PCDH15: variants seen among roughly 807,000 people sequenced by gnomAD.
The protein encoded by PCDH15 is protocadherin-15.
Under a neutral mutation model 178.5 loss-of-function variants are expected in PCDH15, and 129 were observed. The ratio of observed to expected loss-of-function variants is 0.72; its 90% CI spans 0.63 to 0.84. The LOEUF (loss-of-function observed/expected upper bound fraction) is 0.84. Among genes scored for constraint, PCDH15 ranks in the 40% least tolerant of loss-of-function variants. The pLI, the probability that PCDH15 is intolerant of heterozygous loss-of-function variation, is 0.00. For synonymous variants in PCDH15, 800 were observed against 732.0 expected, an observed-to-expected ratio of 1.09 and a Z score of -1.50; for missense variants, 2,230 against 2,099.9, an observed-to-expected ratio of 1.06 and a Z score of -1.21.
chr10:54,857,994 T>C (rs562927634), intron 3 of PCDH15, among the ~76,000 whole-genome samples: 66 of 143,738 alleles, frequency 4.6e-4, no homozygotes, highest in African/African-American at 1.7e-3. Flanking sequence ...CAACGCATTA[T>C]TACTAACTAG....
intron 2 of PCDH15, among the ~76,000 whole-genome samples, chr10:55,064,585 C>CA (rs1554827185): frequency 6.6e-6 from 1 of 151,288 alleles, no homozygotes; most frequent in Non-Finnish European, 1.5e-5. Flanking sequence ...TAAAATATAA[C>CA]TTTTTTTTTC....
At chr10:55,392,368 C>T (rs1275967834) in intron 2 of PCDH15, among the ~76,000 whole-genome samples, 3 of 152,086 alleles carry the variant, frequency 2.0e-5, no homozygotes, top group South Asian at 2.1e-4. Flanking sequence ...CTTGTATTAA[C>T]ATTTTATGTT....
chr10:54,710,895 T>C (rs1246843799), intron 1 of PCDH15, among the ~76,000 whole-genome samples: 1 of 151,992 alleles, frequency 6.6e-6, no homozygotes, highest in Admixed American at 6.6e-5. Flanking sequence ...AATTTATGGT[T>C]CAAACCAGAA....
intron 3 of PCDH15, among the ~76,000 whole-genome samples, chr10:54,838,770 G>A (rs910033442): frequency 7.2e-5 from 11 of 152,104 alleles, no homozygotes; most frequent in Admixed American, 7.2e-4. Flanking sequence ...CTTGATCTTA[G>A]TGCAGATCCT....
At chr10:55,238,954 C>G (rs1841467998) in intron 1 of PCDH15, among the ~76,000 whole-genome samples, 1 of 151,998 alleles carries the variant, frequency 6.6e-6, no homozygotes, top group Non-Finnish European at 1.5e-5. Flanking sequence ...TTTATTCATT[C>G]TATATATTTT....
At chr10:55,293,581 T>A (rs1843066415) in intron 1 of PCDH15, among the ~76,000 whole-genome samples, 1 of 152,184 alleles carries the variant, frequency 6.6e-6, no homozygotes, top group African/African-American at 2.4e-5. Flanking sequence ...TTGAACACTT[T>A]GCTGCTTAGA....
intron 3 of PCDH15, among the ~76,000 whole-genome samples, chr10:54,521,307 T>C (rs1438184199): frequency 1.3e-5 from 2 of 152,148 alleles, no homozygotes; most frequent in Non-Finnish European, 2.9e-5. Flanking sequence ...CTCATATCTC[T>C]AAATAAACCC....
intron 2 of PCDH15, among the ~76,000 whole-genome samples, chr10:55,090,108 G>C (rs1433698371): frequency 6.6e-6 from 1 of 151,532 alleles, no homozygotes; most frequent in Non-Finnish European, 1.5e-5. Flanking sequence ...TGAAAGTAAT[G>C]GTAAATTCTG....
rs1239945517 is a variant in PCDH15, at chr10:53,806,929, C to G, written c.4873G>C (p.Val1625Leu). The G allele has an allele frequency of 6.2e-7, 1 of 1,613,740 alleles. No homozygotes were observed. The highest frequency in any genetic ancestry group is 1.3e-5 in the African/African-American group (1 of 74,880). ...RRACLTDNLK[V>L]ASPVRLGGPF... ...CCTCCCAGTCGAACAGGGGAAGCAA[C>G]TTTTAAGTTGTCCGTGAGGCAGGCA... The change falls in exon 38 of 38, where the codon GTT becomes CTT. Residue 1625 changes from valine (V) to leucine (L), a missense_variant. Coordinates refer to ENST00000644397, the MANE Select transcript of PCDH15 (RefSeq NM_001384140.1).
intron 2 of PCDH15, among the ~76,000 whole-genome samples, chr10:55,163,991 T>A (rs542137238): frequency 6.6e-6 from 1 of 152,142 alleles, no homozygotes; most frequent in Non-Finnish European, 1.5e-5. Flanking sequence ...TCAATTCTTG[T>A]ACAAGGGTCA....
At chr10:54,385,201 C>G (rs1188556875) in intron 3 of PCDH15, among the ~76,000 whole-genome samples, 1 of 151,838 alleles carries the variant, frequency 6.6e-6, no homozygotes, top group Non-Finnish European at 1.5e-5. Context: ...TTTTTAGTAC[C>G]TCTAGGAGAA....
chr10:53,994,185 G>A (rs2091702354), intron 21 of PCDH15, among the ~76,000 whole-genome samples: 1 of 152,168 alleles, frequency 6.6e-6, no homozygotes, highest in African/African-American at 2.4e-5. Context: ...AGGCACCACA[G>A]TCATTACTAC....
chr10:53,875,498 T>G (rs2080167340), intron 26 of PCDH15, among the ~76,000 whole-genome samples: 1 of 152,018 alleles, frequency 6.6e-6, no homozygotes, highest in South Asian at 2.1e-4. Context: ...TTTCCACCAA[T>G]TTCTCTATAA....
intron 3 of PCDH15, among the ~76,000 whole-genome samples, chr10:54,815,422 T>C (rs10825403): frequency 0.7 from 106,845 of 151,904 alleles, 37,755 homozygotes; most frequent in Admixed American, 0.79. Context: ...TAACATTTAC[T>C]GCATTATATA....
intron 2 of PCDH15, among the ~76,000 whole-genome samples, chr10:54,917,397 C>T (rs146268024): frequency 1.3e-5 from 2 of 152,280 alleles, no homozygotes; most frequent in East Asian, 1.9e-4. Context: ...ATAGTGAGGA[C>T]ATCCTGTCAT....
At chr10:55,098,483 T>C (rs1350307621) in intron 2 of PCDH15, among the ~76,000 whole-genome samples, 5 of 152,156 alleles carry the variant, frequency 3.3e-5, no homozygotes, top group African/African-American at 1.2e-4. Context: ...ACAAGCAAGC[T>C]GGAAGCTTTC....
intron 18 of PCDH15, among the ~76,000 whole-genome samples, chr10:54,031,295 A>G (rs2135421603): frequency 6.6e-6 from 1 of 152,026 alleles, no homozygotes; most frequent in Middle Eastern, 3.4e-3. Flanking sequence ...TTCAAAACCT[A>G]GCTTCAGTTC....
intron 3 of PCDH15, among the ~76,000 whole-genome samples, chr10:54,383,148 G>A (rs976071116): frequency 7.9e-5 from 12 of 151,512 alleles, no homozygotes; most frequent in African/African-American, 2.9e-4. Flanking sequence ...ATTAAATTGG[G>A]AACATTATCA....
At chr10:54,289,627 T>A (rs2059266226) in intron 8 of PCDH15, among the ~76,000 whole-genome samples, 1 of 152,070 alleles carries the variant, frequency 6.6e-6, no homozygotes, top group South Asian at 2.1e-4. Context: ...TTGAACCCAT[T>A]GCAAGGAAGC....
Sources: gnomAD v4.1 joint callset for allele counts (sites outside exome capture counted in the v4.1 genomes callset) on GRCh38, gnomAD v4.1.1 for gene constraint, MANE v1.5 for transcripts, NCBI Gene and HGNC (gene_info 2026-07-23, HGNC 2026-07-21) for gene names.